FAR2: variants seen among roughly 807,000 people sequenced by gnomAD.
The protein encoded by FAR2 is fatty acyl-CoA reductase 2, also known as epididymis secretory protein Li 81.
FAR2 carries 19 observed loss-of-function variants against 56.0 expected under a neutral mutation model. The observed-to-expected ratio is 0.34, with a 90% CI of 0.24 to 0.50. The LOEUF is 0.50. Ranked by LOEUF, FAR2 falls within the 20% of genes least tolerant of loss-of-function variation. The pLI, the probability that FAR2 is intolerant of heterozygous loss-of-function variation, is 0.98. For missense variants in FAR2, 508 were observed against 642.2 expected (o/e 0.79, Z 2.26); for synonymous variants, 219 against 218.8 (o/e 1.00, Z -0.01).
rs1949776334 is a variant in FAR2, at chr12:29,334,946, C to G, written c.*1152C>G. 6.6e-6 allele frequency: 1 copy of G among 152,094 alleles called. No individual in the cohort carries two copies. Among genetic ancestry groups the G allele is most frequent in the Non-Finnish European group, 1.5e-5 (1 of 68,006 alleles). The allele number at this position is 152,094 out of a possible 1,614,324, so 9.4% of individuals were successfully genotyped here. A position where few individuals can be genotyped will look rare whatever the true frequency, so the allele number is the denominator to read the frequency against. On this transcript the variant is annotated 3_prime_UTR_variant, in exon 12 of 12. Coordinates refer to ENST00000536681, the MANE Select transcript of FAR2 (RefSeq NM_001271783.2). ...TGAAAACTATACATATTCTCCAATT[C>G]CTATAGTAATAATAATGTAACTGTT...
intron 1 of FAR2, among the ~76,000 whole-genome samples, chr12:29,228,030 T>C (rs1458433495): frequency 6.6e-6 from 1 of 151,384 alleles, no homozygotes; most frequent in African/African-American, 2.4e-5. Flanking sequence ...ATACCTAATG[T>C]AAATGATGAG....
intron 1 of FAR2, among the ~76,000 whole-genome samples, chr12:29,260,775 G>A (rs1244207977): frequency 2.6e-5 from 4 of 152,206 alleles, no homozygotes; most frequent in Admixed American, 6.5e-5. Flanking sequence ...TCACCACCCT[G>A]AAGGGAGACA....
At chr12:29,240,579 G>A (rs1948013121) in intron 1 of FAR2, among the ~76,000 whole-genome samples, 1 of 151,716 alleles carries the variant, frequency 6.6e-6, no homozygotes, top group South Asian at 2.1e-4. Flanking sequence ...CCACAGCCCA[G>A]TTTGCTTCAT....
intron 1 of FAR2, among the ~76,000 whole-genome samples, chr12:29,222,318 T>C (rs1489920431): frequency 1.3e-5 from 2 of 152,218 alleles, no homozygotes; most frequent in African/African-American, 4.8e-5. Context: ...TTTTGATTGT[T>C]AAAGAGAAAT....
chr12:29,154,724 C>G (rs1949712740), intron 1 of FAR2, among the ~76,000 whole-genome samples: 1 of 152,116 alleles, frequency 6.6e-6, no homozygotes, highest in Admixed American at 6.5e-5. Context: ...CGCACTGGGC[C>G]CCTACTTAAC....
intron 2 of FAR2, among the ~76,000 whole-genome samples, chr12:29,285,526 TAAGG>T (rs989363806): frequency 6.6e-6 from 1 of 151,100 alleles, no homozygotes; most frequent in Non-Finnish European, 1.5e-5. Context: ...CCATTTACTT[TAAGG>T]AAGGAAGGAA....
intron 2 of FAR2, chr12:29,277,922 T>C (rs1948726380): frequency 7.0e-6 from 1 of 143,540 alleles, no homozygotes; most frequent in African/African-American, 2.6e-5. Flanking sequence ...CATTTGTACA[T>C]ATTTTCTTTC....
intron 1 of FAR2, among the ~76,000 whole-genome samples, chr12:29,195,722 T>G (rs1950138369): frequency 6.6e-6 from 1 of 152,184 alleles, no homozygotes; most frequent in Admixed American, 6.5e-5. Flanking sequence ...TTCTCATATA[T>G]TTAAGGAGTG....
intron 4 of FAR2, 57 bp from the exon 5 acceptor site, chr12:29,307,601 C>A: frequency 6.7e-7 from 1 of 1,489,494 alleles, no homozygotes; most frequent in Non-Finnish European, 9.0e-7. Flanking sequence ...CTCACATTTT[C>A]CTTTTGGTTT....
chr12:29,333,692 C>T lies in FAR2; in HGVS notation c.1446C>T (p.Leu482=). 6.2e-7 allele frequency: 1 copy of T among 1,613,846 alleles called. No individual in the cohort carries two copies. Among genetic ancestry groups the T allele is most frequent in the South Asian group, 1.1e-5 (1 of 91,070 alleles). The change falls in exon 12 of 12, where the codon CTC becomes CTT. Residue 482 remains leucine (L), a synonymous_variant. Coordinates refer to ENST00000536681, the MANE Select transcript of FAR2 (RefSeq NM_001271783.2). ...TALFLIAWRL[L]IARSQMARNV... The stretch of plus-strand genomic sequence containing the variant: ...TCTTCCTTATCGCCTGGCGCCTTCT[C>T]ATTGCAAGATCTCAGATGGCTCGGA...
chr12:29,323,689 G>C (rs953012554), intron 10 of FAR2, among the ~76,000 whole-genome samples: 6 of 152,162 alleles, frequency 3.9e-5, no homozygotes, highest in Non-Finnish European at 8.8e-5. Flanking sequence ...TGAGGGTCCT[G>C]ACTGTTAGAA....
chr12:29,251,646 G>A (rs751667090), intron 1 of FAR2, among the ~76,000 whole-genome samples: 1 of 152,154 alleles, frequency 6.6e-6, no homozygotes, highest in Non-Finnish European at 1.5e-5. Flanking sequence ...TTAGTTCCCT[G>A]ACTTGTGGAG....
intron 1 of FAR2, among the ~76,000 whole-genome samples, chr12:29,207,572 A>G (rs1947490523): frequency 6.6e-6 from 1 of 152,076 alleles, no homozygotes; most frequent in South Asian, 2.1e-4. Context: ...ACTTGCTACT[A>G]TGGTTTGTTC....
intron 7 of FAR2, 33 bp downstream of exon 7, chr12:29,311,179 C>A: frequency 7.0e-7 from 1 of 1,435,076 alleles, no homozygotes; most frequent in Non-Finnish European, 9.8e-7. Flanking sequence ...TCAAAGACTT[C>A]ATGAGGGGCA....
chr12:29,226,419 C>G (rs191839729), intron 1 of FAR2, among the ~76,000 whole-genome samples: 59 of 152,246 alleles, frequency 3.9e-4, no homozygotes, highest in African/African-American at 1.4e-3. Flanking sequence ...TGAAGGCTCA[C>G]AAAGCCCTGG....
At chr12:29,180,363 C>T (rs1430493228) in intron 1 of FAR2, among the ~76,000 whole-genome samples, 5 of 152,088 alleles carry the variant, frequency 3.3e-5, no homozygotes, top group Non-Finnish European at 5.9e-5. Flanking sequence ...CTCAAGGGTG[C>T]GCAAAATGCC....
intron 2 of FAR2, among the ~76,000 whole-genome samples, chr12:29,275,248 G>T (rs2136714986): frequency 6.6e-6 from 1 of 152,062 alleles, no homozygotes; most frequent in East Asian, 2.0e-4. Flanking sequence ...TGGCAGGCAG[G>T]AGTGGGGGTC....
At chr12:29,180,769 C>CT (rs1411260462) in intron 1 of FAR2, among the ~76,000 whole-genome samples, 1 of 145,734 alleles carries the variant, frequency 6.9e-6, no homozygotes, top group African/African-American at 2.6e-5. Flanking sequence ...ATCTATCTAT[C>CT]TATTCTCTAT....
intron 1 of FAR2, among the ~76,000 whole-genome samples, chr12:29,181,935 G>A (rs1007598670): frequency 2.6e-5 from 4 of 152,286 alleles, no homozygotes; most frequent in Admixed American, 6.5e-5. Flanking sequence ...TACAGATAGA[G>A]GATAGACAGA....
Sources: gnomAD v4.1 joint callset for allele counts (sites outside exome capture counted in the v4.1 genomes callset) on GRCh38, gnomAD v4.1.1 for gene constraint, MANE v1.5 for transcripts, NCBI Gene and HGNC (gene_info 2026-07-23, HGNC 2026-07-21) for gene names.